The following NTRK3 variants were observed in gnomAD, a reference collection of about 807,000 sequenced individuals.
NTRK3 encodes the protein NT-3 growth factor receptor.
A neutral mutation model predicts 91.7 loss-of-function variants in NTRK3; 24 were observed. The ratio of observed to expected loss-of-function variants is 0.26; its 90% confidence interval spans 0.19 to 0.37. NTRK3 has a LOEUF of 0.37. NTRK3 is among the 10% of genes least tolerant of loss of function. The pLI is 1.00. For synonymous variants in NTRK3, 483 were observed against 404.0 expected (o/e 1.20, Z -2.34); for missense variants, 880 against 1,068.9 (o/e 0.82, Z 2.46).
intron 15 of NTRK3, among the ~76,000 whole-genome samples, chr15:87,936,067 G>A (rs2069247953): frequency 6.6e-6 from 1 of 152,164 alleles, no homozygotes; most frequent in Non-Finnish European, 1.5e-5. Flanking sequence ...AGGAAAATAG[G>A]GCCGGTGACT....
chr15:87,973,020 T>G (rs1567169432), intron 14 of NTRK3, among the ~76,000 whole-genome samples: 1 of 152,220 alleles, frequency 6.6e-6, no homozygotes, highest in Non-Finnish European at 1.5e-5. Flanking sequence ...CTCTGATATC[T>G]TCCTTGTCCC....
chr15:87,891,586 C>T (rs570821377), intron 17 of NTRK3, among the ~76,000 whole-genome samples: 6 of 152,252 alleles, frequency 3.9e-5, no homozygotes, highest in African/African-American at 7.2e-5. Flanking sequence ...TATGGATTTA[C>T]ATTCACTTCA....
rs1425074467 is a variant in NTRK3, at chr15:87,865,188, T to C, written c.*11747A>G. 1.3e-4 allele frequency: 27 copies of C among 206,864 alleles called. No individual in the cohort carries two copies. In the East Asian group the frequency reaches 1.4e-3, roughly 11 times the overall value. The allele number at this position is 206,864 out of a possible 1,614,324, so 12.8% of individuals were successfully genotyped here. On this transcript the variant is annotated 3_prime_UTR_variant, in exon 19 of 19. Coordinates refer to ENST00000394480, the Ensembl canonical transcript of NTRK3. Reference sequence around the variant, plus strand: ...CTTTCTGGAGTGATCAAAATACTTTTAGAAAATCATGTATAGCATTTTGTC... The same window carrying C: ...CTTTCTGGAGTGATCAAAATACTTTCAGAAAATCATGTATAGCATTTTGTC...
chr15:88,088,822 C>G (rs1200406095), intron 13 of NTRK3, among the ~76,000 whole-genome samples: 1 of 152,118 alleles, frequency 6.6e-6, no homozygotes, highest in Non-Finnish European at 1.5e-5. Flanking sequence ...AGGTATTACA[C>G]AGGGCTCATT....
chr15:88,023,764 C>T (rs1373576911), intron 14 of NTRK3, among the ~76,000 whole-genome samples: 2 of 152,174 alleles, frequency 1.3e-5, no homozygotes, highest in Non-Finnish European at 2.9e-5. Flanking sequence ...GCTCCCAGCC[C>T]AGCCCTGTAA....
chr15:88,176,356 C>T (rs2045997002), intron 5 of NTRK3, among the ~76,000 whole-genome samples: 3 of 152,038 alleles, frequency 2.0e-5, no homozygotes, highest in Admixed American at 2.0e-4. Flanking sequence ...AGAATGGTCT[C>T]GATCTCTTGA....
intron 10 of NTRK3, among the ~76,000 whole-genome samples, chr15:88,130,274 G>T (rs1187227076): frequency 7.9e-5 from 12 of 152,172 alleles, no homozygotes; most frequent in Non-Finnish European, 1.3e-4. Context: ...GTGGAAGAAT[G>T]AAATGCTCTT....
At chr15:87,891,061 A>C (rs1305814645) in intron 17 of NTRK3, among the ~76,000 whole-genome samples, 1 of 152,178 alleles carries the variant, frequency 6.6e-6, no homozygotes, top group East Asian at 1.9e-4. Flanking sequence ...CTTGATTCCT[A>C]TTAACACTCA....
chr15:87,910,728 G>A (rs533500136), intron 17 of NTRK3, among the ~76,000 whole-genome samples: 2 of 152,208 alleles, frequency 1.3e-5, no homozygotes, highest in Non-Finnish European at 2.9e-5. Flanking sequence ...GGGAAAGAAT[G>A]ACCAGGAATG....
In NTRK3 at chr15:88,102,114, C is replaced by G. The variant is rs572274269; in HGVS notation, c.1396+24157G>C. Among the ~76,000 whole-genome samples, 15 of 152,278 alleles carry G rather than the reference C, an allele frequency of 9.9e-5. No individual in the cohort carries two copies. In the East Asian group the frequency reaches 2.7e-3, roughly 27 times the overall value. On this transcript the variant is annotated intron_variant, in intron 13 of 18. Coordinates refer to ENST00000394480, the Ensembl canonical transcript of NTRK3. ...AACCACAAGGACCTGCCCAGAACCA[C>G]AGTGACCTCTGCCCCTGCTTCAGGC...
chr15:87,979,956 G>C (rs1035384092), intron 14 of NTRK3, among the ~76,000 whole-genome samples: 4 of 152,086 alleles, frequency 2.6e-5, no homozygotes, highest in Admixed American at 2.6e-4. Context: ...AAATTACACA[G>C]ACCACTTCTG....
intron 13 of NTRK3, among the ~76,000 whole-genome samples, chr15:88,120,410 T>A (rs2052575183): frequency 6.6e-6 from 1 of 152,182 alleles, no homozygotes; most frequent in Non-Finnish European, 1.5e-5. Flanking sequence ...CAAGTGCTCA[T>A]CCGCAGGCCC....
chr15:88,246,954 A>C (rs1045185124), intron 3 of NTRK3, among the ~76,000 whole-genome samples: 1 of 152,172 alleles, frequency 6.6e-6, no homozygotes, highest in Non-Finnish European at 1.5e-5. Context: ...CCGCCCTGGG[A>C]AGCCATCAGC....
At chr15:88,081,364 C>T (rs1047785098) in intron 13 of NTRK3, among the ~76,000 whole-genome samples, 2 of 152,210 alleles carry the variant, frequency 1.3e-5, no homozygotes, top group African/African-American at 4.8e-5. Flanking sequence ...CCACTCCCAT[C>T]CAGGCCTCAG....
chr15:88,004,376 A>G (rs1275396559), intron 14 of NTRK3, among the ~76,000 whole-genome samples: 1 of 152,226 alleles, frequency 6.6e-6, no homozygotes, highest in Non-Finnish European at 1.5e-5. Context: ...AGATGATCAG[A>G]AAAACGGGCA....
At chr15:88,091,181 G>A (rs1348216713) in intron 13 of NTRK3, among the ~76,000 whole-genome samples, 1 of 152,124 alleles carries the variant, frequency 6.6e-6, no homozygotes, top group Non-Finnish European at 1.5e-5. Context: ...ACTGATGAAA[G>A]GGGAAAAAGG....
chr15:88,087,530 G>C (rs1308259424), intron 13 of NTRK3, among the ~76,000 whole-genome samples: 1 of 152,208 alleles, frequency 6.6e-6, no homozygotes, highest in South Asian at 2.1e-4. Context: ...GAGAGTGTAG[G>C]CAGGAACATT....
At chr15:88,135,374 C>T (rs774363821) in exon 10 of NTRK3, 10 of 1,614,040 alleles carry the variant, frequency 6.2e-6, no homozygotes, top group Non-Finnish European at 8.5e-6. Context: ...TCAGGCTCCT[C>T]CAGGCTCACC....
chr15:88,050,315 GC>G (rs1378931006), intron 13 of NTRK3, among the ~76,000 whole-genome samples: 1 of 152,076 alleles, frequency 6.6e-6, no homozygotes, highest in Non-Finnish European at 1.5e-5. Flanking sequence ...CAATCCTTAA[GC>G]TAATAAATGA....
Sources: allele counts gnomAD v4.1 joint callset (sites outside exome capture counted in the v4.1 genomes callset), GRCh38; gene constraint gnomAD v4.1.1; transcripts MANE v1.5; gene names NCBI Gene and HGNC (gene_info 2026-07-23, HGNC 2026-07-21).